The following CNKSR3 variants were observed in gnomAD, a reference collection of about 807,000 sequenced individuals.
The protein encoded by CNKSR3 is connector enhancer of kinase suppressor of ras 3.
Under a neutral mutation model 67.7 loss-of-function variants are expected in CNKSR3, and 36 were observed. The ratio of observed to expected loss-of-function variants is 0.53; its 90% CI spans 0.41 to 0.70. The LOEUF (loss-of-function observed/expected upper bound fraction) is 0.70. Among genes scored for constraint, CNKSR3 ranks in the 30% least tolerant of loss-of-function variants. CNKSR3 has a pLI of 0.00. For missense variants in CNKSR3, 630 were observed against 695.2 expected (o/e 0.91, Z 1.05); for synonymous variants, 281 against 271.4 (o/e 1.04, Z -0.35).
chr6:154,440,445 A>G (rs1785557757), intron 4 of CNKSR3, among the ~76,000 whole-genome samples: 1 of 152,248 alleles, frequency 6.6e-6, no homozygotes, highest in Admixed American at 6.5e-5. Flanking sequence ...TTTTACAAGC[A>G]TCTGCTGCAT....
Position 154,457,793 on chromosome 6 carries a change from A to T in CNKSR3, c.53-7535T>A, listed in dbSNP as rs562239480. Among the ~76,000 whole-genome samples the T allele has an allele frequency of 3.3e-5, 5 of 152,014 alleles. No homozygotes were observed. The South Asian group carries it at 1.0e-3, about 32-fold the overall frequency. On this transcript the variant is annotated intron_variant, in intron 1 of 12. Transcript: ENST00000607772. The stretch of plus-strand genomic sequence containing the variant: ...TCCTCTATCATTCCATCTGAGCAAA[A>T]CCATCCTGTCCTTTACAGATCCCAG...
At chr6:154,502,560 C>T (rs766797297) in intron 1 of CNKSR3, among the ~76,000 whole-genome samples, 5 of 152,052 alleles carry the variant, frequency 3.3e-5, no homozygotes, top group African/African-American at 9.7e-5. Context: ...AAACCAGGGA[C>T]GGGACAGGAC....
At chr6:154,494,283 A>G (rs1462373725) in intron 1 of CNKSR3, among the ~76,000 whole-genome samples, 1 of 152,130 alleles carries the variant, frequency 6.6e-6, no homozygotes, top group Non-Finnish European at 1.5e-5. Context: ...TAAAACCATC[A>G]GATCTTATGA....
intron 1 of CNKSR3, among the ~76,000 whole-genome samples, chr6:154,464,396 G>A (rs1020360134): frequency 6.6e-6 from 1 of 152,218 alleles, no homozygotes. Context: ...AATTCACATC[G>A]TGGATTTAAG....
intron 1 of CNKSR3, among the ~76,000 whole-genome samples, chr6:154,480,829 C>T (rs1213472099): frequency 1.3e-5 from 2 of 152,188 alleles, no homozygotes; most frequent in Non-Finnish European, 2.9e-5. Flanking sequence ...CTTTTAAAGC[C>T]AGGCATGATC....
Position 154,393,270 on chromosome 6 carries a change from G to A in CNKSR3, c.*13084C>T, listed in dbSNP as rs1379560749. ...CTAGGAATGAAACTGCTGAGTCATA[G>A]GGTATGTGAATACTCACTGCTAATT... On this transcript the variant is annotated 3_prime_UTR_variant, in exon 13 of 13. Transcript: ENST00000607772. 6.6e-6 allele frequency: 1 copy of A among 152,132 alleles called. No homozygotes were observed. The highest frequency in any genetic ancestry group is 1.5e-5 in the Non-Finnish European group (1 of 68,038). 9.4% of individuals were successfully genotyped at this position (152,132 alleles called of 1,614,324 possible).
intron 1 of CNKSR3, among the ~76,000 whole-genome samples, chr6:154,500,487 C>T (rs1215112189): frequency 6.6e-6 from 1 of 152,144 alleles, no homozygotes; most frequent in African/African-American, 2.4e-5. Flanking sequence ...TTGGGGGACT[C>T]ACAGCTGGGT....
intron 1 of CNKSR3, among the ~76,000 whole-genome samples, chr6:154,483,741 G>T (rs1211401750): frequency 6.6e-6 from 1 of 151,954 alleles, no homozygotes; most frequent in Non-Finnish European, 1.5e-5. Context: ...ATTCATTTGT[G>T]CTCCTCTGAA....
At chr6:154,487,749 C>T (rs577699816) in intron 1 of CNKSR3, among the ~76,000 whole-genome samples, 3 of 152,252 alleles carry the variant, frequency 2.0e-5, no homozygotes, top group African/African-American at 4.8e-5. Flanking sequence ...AAAACAGACG[C>T]GCTGAAGCCA....
intron 12 of CNKSR3, among the ~76,000 whole-genome samples, chr6:154,408,358 A>G (rs1784844374): frequency 6.6e-6 from 1 of 152,184 alleles, no homozygotes; most frequent in Non-Finnish European, 1.5e-5. Context: ...CTAAGTATAT[A>G]AATGTAAATA....
At position 154,476,737 on chromosome 6, in the gene CNKSR3, C is replaced by T. The variant is rs142094636; in HGVS notation, c.53-26479G>A. On this transcript the variant is annotated intron_variant, in intron 1 of 12. Coordinates refer to ENST00000607772, the MANE Select transcript of CNKSR3 (RefSeq NM_173515.4). ...CACACTTCAGTGATTCTGAATAATT[C>T]ATTCTTTCATAAGCAAGGAATGAAG... Among the ~76,000 whole-genome samples, 562 of 152,266 alleles carry T rather than the reference C, an allele frequency of 3.7e-3. 4 individuals are homozygous for T. The highest frequency in any genetic ancestry group is 0.013 in the African/African-American group (534 of 41,560).
chr6:154,451,701 A>G (rs1346253504), intron 1 of CNKSR3, among the ~76,000 whole-genome samples: 1 of 152,078 alleles, frequency 6.6e-6, no homozygotes, highest in Non-Finnish European at 1.5e-5. Context: ...CTGCCCTGCA[A>G]ATGTTCACCA....
Position 154,406,335 on chromosome 6 carries a change from G to C in CNKSR3, c.*19C>G, listed in dbSNP as rs1784787311. On this transcript the variant is annotated 3_prime_UTR_variant, in exon 13 of 13. Coordinates refer to ENST00000607772, the MANE Select transcript of CNKSR3 (RefSeq NM_173515.4). ...CACTTGGGGCAGGAGCCAGGCAGGTGGCCTGAGCAGGGTCCCTCTCAGTGA... is the reference window on the plus strand; with the variant it reads ...CACTTGGGGCAGGAGCCAGGCAGGTCGCCTGAGCAGGGTCCCTCTCAGTGA... The C allele has an allele frequency of 1.3e-6, 2 of 1,596,618 alleles. No homozygotes were observed.
Position 154,428,203 on chromosome 6 carries a change from A to G in CNKSR3, c.670-16T>C. The G allele has an allele frequency of 6.4e-7, 1 of 1,565,792 alleles. No individual in the cohort carries two copies. Among genetic ancestry groups the G allele is most frequent in the Non-Finnish European group, 8.8e-7 (1 of 1,136,022 alleles). On this transcript the variant is annotated splice_polypyrimidine_tract_variant and intron_variant, in intron 6 of 12. Coordinates refer to ENST00000607772, the MANE Select transcript of CNKSR3 (RefSeq NM_173515.4). ...TGTACATGCCCTGGAGTGAATCACAAATAGATTAACTCATTACTCCAACGT... is the reference window on the plus strand; with the variant it reads ...TGTACATGCCCTGGAGTGAATCACAGATAGATTAACTCATTACTCCAACGT...
At chr6:154,466,796 T>TG (rs1245039011) in intron 1 of CNKSR3, among the ~76,000 whole-genome samples, 28 of 149,452 alleles carry the variant, frequency 1.9e-4, no homozygotes, top group African/African-American at 2.5e-4. Context: ...ATTTTTTTGT[T>TG]TTTTTTTTTT....
Position 154,398,969 on chromosome 6 carries a change from C to G in CNKSR3, c.*7385G>C, listed in dbSNP as rs1273477404. 1.3e-5 allele frequency: 2 copies of G among 151,944 alleles called. No homozygotes were observed. Among genetic ancestry groups the G allele is most frequent in the African/African-American group, 2.4e-5 (1 of 41,274 alleles). 9.4% of individuals were successfully genotyped at this position (151,944 alleles called of 1,614,324 possible). ...TGGCACATGCCTGTAATCCCAGCTA[C>G]TTGGGAGTCTGAGGCAGGAGAATCA... On this transcript the variant is annotated 3_prime_UTR_variant, in exon 13 of 13. Coordinates refer to ENST00000607772, the MANE Select transcript of CNKSR3 (RefSeq NM_173515.4).
chr6:154,465,586 T>C (rs1786180978), intron 1 of CNKSR3, among the ~76,000 whole-genome samples: 1 of 152,188 alleles, frequency 6.6e-6, no homozygotes, highest in Non-Finnish European at 1.5e-5. Flanking sequence ...ACTCACATTC[T>C]CACTGCCAGA....
chr6:154,499,074 A>G (rs1191620743), intron 1 of CNKSR3, among the ~76,000 whole-genome samples: 1 of 152,138 alleles, frequency 6.6e-6, no homozygotes, highest in African/African-American at 2.4e-5. Flanking sequence ...GACAGGACGG[A>G]AGGATGCCCT....
intron 6 of CNKSR3, among the ~76,000 whole-genome samples, chr6:154,428,784 G>C (rs148201864): frequency 6.6e-6 from 1 of 151,958 alleles, no homozygotes; most frequent in African/African-American, 2.4e-5. Flanking sequence ...GCCTCCCAAA[G>C]TGCTGGGATT....
Sources: allele counts gnomAD v4.1 joint callset (sites outside exome capture counted in the v4.1 genomes callset), GRCh38; gene constraint gnomAD v4.1.1; transcripts MANE v1.5; gene names NCBI Gene and HGNC (gene_info 2026-07-23, HGNC 2026-07-21).